Variants in JARID2 observed in about 807,000 individuals in gnomAD.
JARID2 encodes the protein jumonji and AT-rich interaction domain containing 2.
A neutral mutation model predicts 125.6 loss-of-function variants in JARID2; 21 were observed. That is an observed-to-expected ratio of 0.17 (90% confidence interval 0.12 to 0.24). The LOEUF is 0.24. Ranked by LOEUF, JARID2 falls within the 10% of genes least tolerant of loss-of-function variation. JARID2 has a pLI of 1.00. For synonymous variants in JARID2, 736 were observed against 661.6 expected (o/e 1.11, Z -1.73); for missense variants, 1,303 against 1,639.6 (o/e 0.79, Z 3.55).
intron 1 of JARID2, among the ~76,000 whole-genome samples, chr6:15,292,564 C>A (rs1452502012): frequency 1.3e-5 from 2 of 152,104 alleles, no homozygotes; most frequent in Non-Finnish European, 2.9e-5. Flanking sequence ...ACTCCTGAGT[C>A]CCGGTGAGGC....
chr6:15,367,580 C>G (rs1266295450), intron 1 of JARID2, among the ~76,000 whole-genome samples: 1 of 152,190 alleles, frequency 6.6e-6, no homozygotes. Context: ...ACTTCCTGAT[C>G]TGATATCTGC....
At chr6:15,475,516 C>T (rs1246854139) in intron 5 of JARID2, among the ~76,000 whole-genome samples, 1 of 152,218 alleles carries the variant, frequency 6.6e-6, no homozygotes, top group African/African-American at 2.4e-5. Context: ...TAATCGCCTA[C>T]CACCTGTTCT....
At chr6:15,451,913 T>G in intron 3 of JARID2, 93 bp from the exon 4 acceptor site, 1 of 1,229,280 alleles carries the variant, frequency 8.1e-7, no homozygotes, top group Non-Finnish European at 1.1e-6. Flanking sequence ...AGGATCTTTT[T>G]TCCCCTTATG....
At chr6:15,514,650 G>T (rs1771459389) in intron 16 of JARID2, among the ~76,000 whole-genome samples, 1 of 151,348 alleles carries the variant, frequency 6.6e-6, no homozygotes. Context: ...TCAGATCAGG[G>T]CTTTGTAACA....
rs147577463 is a variant in JARID2, at chr6:15,507,076, C to A, written c.2542-60C>A. 9.3e-6 allele frequency: 10 copies of A among 1,075,686 alleles called. No homozygotes were observed. In the African/African-American group the frequency reaches 1.5e-4, roughly 17 times the overall value. 66.6% of individuals were successfully genotyped at this position (1,075,686 alleles called of 1,614,324 possible). ...CGTGTCCCAGTTTTGTTGGGTTGAA[C>A]TGTGCTCTGTGGCTGCAGCACCTTA... On this transcript the variant is annotated intron_variant, in intron 9 of 17. Transcript: ENST00000341776.
chr6:15,363,101 G>A (rs1414253741), intron 1 of JARID2, among the ~76,000 whole-genome samples: 2 of 152,180 alleles, frequency 1.3e-5, no homozygotes, highest in African/African-American at 2.4e-5. Flanking sequence ...TGATGAAACA[G>A]CAGAAAAGGT....
chr6:15,394,454 G>C (rs1765142614), intron 2 of JARID2, among the ~76,000 whole-genome samples: 1 of 152,116 alleles, frequency 6.6e-6, no homozygotes, highest in Non-Finnish European at 1.5e-5. Flanking sequence ...TAAAAAATTA[G>C]CTGGGTGTGG....
Position 15,421,581 on chromosome 6 carries a change from G to A in JARID2, c.323+11216G>A, listed in dbSNP as rs1177002888. ...TGAAGCTATGTAATCTGTCTCTTCC[G>A]TTAGGAAGAACTGACCTTAGCCTAG... On this transcript the variant is annotated intron_variant, in intron 3 of 17. Coordinates refer to ENST00000341776, the MANE Select transcript of JARID2 (RefSeq NM_004973.4). Among the ~76,000 whole-genome samples, 6 of 152,090 alleles carry A rather than the reference G, an allele frequency of 3.9e-5. No individual in the cohort carries two copies. In the East Asian group the frequency reaches 5.8e-4, roughly 15 times the overall value.
intron 16 of JARID2, among the ~76,000 whole-genome samples, chr6:15,513,679 C>T (rs763044561): frequency 3.3e-5 from 5 of 152,204 alleles, no homozygotes; most frequent in Non-Finnish European, 5.9e-5. Context: ...GTGCGTCCTT[C>T]CTCCCTGGGG....
intron 1 of JARID2, among the ~76,000 whole-genome samples, chr6:15,256,239 CT>C (rs1165617441): frequency 1.6e-4 from 25 of 152,268 alleles, no homozygotes; most frequent in African/African-American, 4.6e-4. Flanking sequence ...CACTTTGATT[CT>C]TAATAAAGCA....
intron 2 of JARID2, among the ~76,000 whole-genome samples, chr6:15,392,680 CTTTT>C (rs35429221): frequency 2.5e-5 from 3 of 120,900 alleles, no homozygotes; most frequent in Non-Finnish European, 5.0e-5. Flanking sequence ...GATTAAGAGA[CTTTT>C]TTTTTTTTTT....
chr6:15,464,845 C>T (rs2127668339), intron 4 of JARID2, among the ~76,000 whole-genome samples: 1 of 152,318 alleles, frequency 6.6e-6, no homozygotes, highest in African/African-American at 2.4e-5. Flanking sequence ...GAAGCAGAAT[C>T]ATCTTCTAGG....
chr6:15,328,639 A>C (rs1324233338), intron 1 of JARID2, among the ~76,000 whole-genome samples: 1 of 151,140 alleles, frequency 6.6e-6, no homozygotes, highest in Non-Finnish European at 1.5e-5. Context: ...AGTAAGTGTT[A>C]AAGCCAGGAC....
At chr6:15,343,866 G>A (rs1295407225) in intron 1 of JARID2, among the ~76,000 whole-genome samples, 2 of 152,096 alleles carry the variant, frequency 1.3e-5, no homozygotes, top group African/African-American at 4.8e-5. Flanking sequence ...CGGTGCCCTG[G>A]ACTTACATTA....
chr6:15,295,315 A>G (rs966807639), intron 1 of JARID2, among the ~76,000 whole-genome samples: 2 of 151,428 alleles, frequency 1.3e-5, no homozygotes, highest in East Asian at 1.9e-4. Context: ...TAGAGACGGG[A>G]TTTCACCGTG....
chr6:15,315,630 A>G (rs557004912), intron 1 of JARID2, among the ~76,000 whole-genome samples: 3 of 152,210 alleles, frequency 2.0e-5, no homozygotes, highest in Non-Finnish European at 2.9e-5. Flanking sequence ...AGATATCTTC[A>G]TCTGCTTCAG....
In JARID2 at chr6:15,299,154, G is replaced by A. The variant is rs554206152; in HGVS notation, c.45+52570G>A. Among the ~76,000 whole-genome samples the A allele has an allele frequency of 2.0e-5, 3 of 152,250 alleles. No homozygotes were observed. The South Asian group carries it at 6.2e-4, about 32-fold the overall frequency. On this transcript the variant is annotated intron_variant, in intron 1 of 17. Transcript: ENST00000341776. ...TTTGTCAAACTTCACTGACCCGTGA[G>A]CCTTAATTTTGAATACAACCCCTTG...
chr6:15,345,294 G>C (rs907932053), intron 1 of JARID2, among the ~76,000 whole-genome samples: 20 of 152,198 alleles, frequency 1.3e-4, no homozygotes, highest in African/African-American at 4.3e-4. Flanking sequence ...AATCTCTTTT[G>C]GAAGTACAAA....
intron 4 of JARID2, among the ~76,000 whole-genome samples, chr6:15,459,657 C>G (rs916333003): frequency 6.6e-6 from 1 of 152,202 alleles, no homozygotes; most frequent in East Asian, 1.9e-4. Flanking sequence ...GAATCGGCCA[C>G]AGGTAATAGA....
Sources: gnomAD v4.1 joint callset for allele counts (sites outside exome capture counted in the v4.1 genomes callset) on GRCh38, gnomAD v4.1.1 for gene constraint, MANE v1.5 for transcripts, NCBI Gene and HGNC (gene_info 2026-07-23, HGNC 2026-07-21) for gene names.